The following SHLD2 variants were observed in gnomAD, a reference collection of about 807,000 sequenced individuals.
SHLD2 encodes the protein RINN1-REV7-interacting novel NHEJ regulator 2.
A neutral mutation model predicts 73.2 loss-of-function variants in SHLD2; 30 were observed. The ratio of observed to expected loss-of-function variants is 0.41; its 90% CI spans 0.31 to 0.56. The LOEUF (loss-of-function observed/expected upper bound fraction) is 0.56. Ranked by LOEUF, SHLD2 falls within the 20% of genes least tolerant of loss-of-function variation. The pLI is 0.28. For missense variants in SHLD2, 745 were observed against 1,055.9 expected (o/e 0.71, Z 4.08); for synonymous variants, 285 against 370.1 (o/e 0.77, Z 2.64).
intron 2 of SHLD2, among the ~76,000 whole-genome samples, chr10:87,147,186 A>G (rs1845689007): frequency 6.6e-6 from 1 of 151,716 alleles, no homozygotes; most frequent in South Asian, 2.1e-4. Flanking sequence ...TGTTGATTCT[A>G]CTGTGATCCT....
intron 2 of SHLD2, among the ~76,000 whole-genome samples, chr10:87,127,489 T>G (rs1285801567): frequency 1.5e-5 from 2 of 132,548 alleles, no homozygotes; most frequent in Non-Finnish European, 3.2e-5. Flanking sequence ...CTATTTCTCT[T>G]GGATATGGAT....
intron 4 of SHLD2, among the ~76,000 whole-genome samples, chr10:87,164,023 T>G (rs1304323135): frequency 3.3e-5 from 5 of 151,456 alleles, no homozygotes; most frequent in Non-Finnish European, 7.4e-5. Flanking sequence ...AGTGGCGTGA[T>G]CTTAGCTCAC....
At chr10:87,144,411 T>C (rs1188082428) in intron 2 of SHLD2, among the ~76,000 whole-genome samples, 1 of 152,174 alleles carries the variant, frequency 6.6e-6, no homozygotes, top group African/African-American at 2.4e-5. Context: ...TTAAAAGTTA[T>C]GCAAAGAGAG....
intron 2 of SHLD2, among the ~76,000 whole-genome samples, chr10:87,136,021 G>A (rs972264221): frequency 5.9e-5 from 9 of 151,296 alleles, no homozygotes; most frequent in Admixed American, 5.9e-4. Flanking sequence ...CCTCCTCAAG[G>A]GCAAAGTGTC....
intron 3 of SHLD2, 87 bp from the exon 4 acceptor site, chr10:87,157,961 G>A (rs1589599006): frequency 1.8e-6 from 2 of 1,083,742 alleles, no homozygotes; most frequent in East Asian, 5.1e-5. Flanking sequence ...TATATGGGAG[G>A]CATGCATAGT....
chr10:87,162,552 G>A (rs537539579), intron 4 of SHLD2, among the ~76,000 whole-genome samples: 16 of 152,034 alleles, frequency 1.1e-4, no homozygotes, highest in African/African-American at 3.6e-4. Context: ...AAATCAGCCC[G>A]GTGTGGTGGT....
At position 87,113,735 on chromosome 10, in the gene SHLD2, AGTGGCTGAAGCCTGTAATCCCAGGCTTTG is replaced by A. The variant is rs552845528; in HGVS notation, c.-6+16748_-6+16776del. Among the ~76,000 whole-genome samples, 1,289 of 152,326 alleles carry A rather than the reference AGTGGCTGAAGCCTGTAATCCCAGGCTTTG, an allele frequency of 8.5e-3. 15 individuals carry two copies. Among genetic ancestry groups the A allele is most frequent in the African/African-American group, 0.029 (1,225 of 41,574 alleles). On this transcript the variant is annotated intron_variant, in intron 2 of 9. Coordinates refer to ENST00000298786, the MANE Select transcript of SHLD2 (RefSeq NM_001330112.2). ...TTAAAAAAAAGTATAGGCCAAGTGCAGTGGCTGAAGCCTGTAATCCCAGGCTTTGGGAGGCCGAGGCGAGTGGATCACTT... is the reference window on the plus strand; with the variant it reads ...TTAAAAAAAAGTATAGGCCAAGTGCAGGAGGCCGAGGCGAGTGGATCACTT...
intron 2 of SHLD2, among the ~76,000 whole-genome samples, chr10:87,120,792 G>A (rs1193764449): frequency 4.6e-5 from 7 of 151,894 alleles, no homozygotes; most frequent in East Asian, 2.0e-4. Flanking sequence ...GGTGGCTCAC[G>A]CCTGTAATCC....
chr10:87,151,394 C>T lies in SHLD2; in HGVS notation c.40C>T (p.Pro14Ser), dbSNP rs760234918. 3 of 1,586,490 alleles carry T rather than the reference C, an allele frequency of 1.9e-6. No individual in the cohort carries two copies. Among genetic ancestry groups the T allele is most frequent in the Non-Finnish European group, 1.7e-6 (2 of 1,170,668 alleles). ...GSQVHIFWGA[P>S]IAPLKITVSE... is the part of the protein sequence containing the mutation. ...TCAAGTCCACATTTTTTGGGGTGCT[C>T]CAATTGCTCCACTGAAAATCACAGT... Residue 14 changes from proline to serine, a missense_variant, in exon 3 of 10, where the codon CCA becomes TCA. Coordinates refer to ENST00000298786, the MANE Select transcript of SHLD2 (RefSeq NM_001330112.2).
At chr10:87,105,200 C>T (rs192643658) in intron 2 of SHLD2, among the ~76,000 whole-genome samples, 55 of 152,136 alleles carry the variant, frequency 3.6e-4, no homozygotes, top group Admixed American at 3.0e-3. Flanking sequence ...ATTGTAATTT[C>T]GGTATGGTGT....
intron 9 of SHLD2, among the ~76,000 whole-genome samples, chr10:87,189,269 G>C (rs1272198327): frequency 3.9e-5 from 6 of 152,200 alleles, no homozygotes. Flanking sequence ...CCAAAGTGCT[G>C]GGATTACAGG....
At chr10:87,155,127 G>T (rs1351054054) in intron 3 of SHLD2, among the ~76,000 whole-genome samples, 4 of 145,824 alleles carry the variant, frequency 2.7e-5, no homozygotes, top group Non-Finnish European at 6.0e-5. Flanking sequence ...AGTAGAGACA[G>T]GGTTTCACTG....
intron 4 of SHLD2, among the ~76,000 whole-genome samples, chr10:87,160,026 CAG>C (rs1846693772): frequency 6.6e-6 from 1 of 152,032 alleles, no homozygotes; most frequent in South Asian, 2.1e-4. Flanking sequence ...TATAGAATCA[CAG>C]GGGATTGCAA....
At chr10:87,156,462 G>A (rs1267071912) in intron 3 of SHLD2, among the ~76,000 whole-genome samples, 1 of 152,120 alleles carries the variant, frequency 6.6e-6, no homozygotes, top group African/African-American at 2.4e-5. Context: ...ATAGAATGAA[G>A]AGATGCCAAA....
At chr10:87,176,321 T>A (rs1227425524) in intron 7 of SHLD2, among the ~76,000 whole-genome samples, 4 of 152,122 alleles carry the variant, frequency 2.6e-5, no homozygotes, top group Non-Finnish European at 4.4e-5. Context: ...TTTATTTATT[T>A]ATTATTTTGG....
At chr10:87,149,724 C>CTAAATAAATAAA (rs200276976) in intron 2 of SHLD2, among the ~76,000 whole-genome samples, 2 of 150,804 alleles carry the variant, frequency 1.3e-5, no homozygotes, top group East Asian at 1.9e-4. Flanking sequence ...AACTCTGTCT[C>CTAAATAAATAAA]TAAATAAATA....
intron 2 of SHLD2, among the ~76,000 whole-genome samples, chr10:87,130,406 T>C (rs2784707): frequency 0.29 from 41,316 of 141,410 alleles, 6,844 homozygotes; most frequent in East Asian, 0.72. Flanking sequence ...TTCTTAAGGC[T>C]TCTGTTTTCA....
chr10:87,185,785 GA>G (rs1848582399), intron 8 of SHLD2, among the ~76,000 whole-genome samples: 1 of 152,114 alleles, frequency 6.6e-6, no homozygotes, highest in Admixed American at 6.5e-5. Flanking sequence ...TTGGCATGTG[GA>G]TATCTAGTTG....
At chr10:87,143,508 G>A (rs1432197327) in intron 2 of SHLD2, among the ~76,000 whole-genome samples, 1 of 152,082 alleles carries the variant, frequency 6.6e-6, no homozygotes, top group Non-Finnish European at 1.5e-5. Flanking sequence ...TCTTACCTCA[G>A]TCTTGAGAGT....
Sources: allele counts gnomAD v4.1 joint callset (sites outside exome capture counted in the v4.1 genomes callset), GRCh38; gene constraint gnomAD v4.1.1; transcripts MANE v1.5; gene names NCBI Gene and HGNC (gene_info 2026-07-23, HGNC 2026-07-21).